Variants in CCDC6 observed in about 807,000 individuals in gnomAD.
CCDC6 encodes coiled-coil domain-containing protein 6.
In CCDC6, 20 loss-of-function variants were observed where a neutral mutation model predicts 56.6. That is an observed-to-expected ratio of 0.35 (90% confidence interval 0.25 to 0.51). The LOEUF is 0.51. Among genes scored for constraint, CCDC6 ranks in the 20% least tolerant of loss-of-function variants. CCDC6 has a pLI of 0.95. For missense variants in CCDC6, 367 were observed against 601.1 expected (o/e 0.61, Z 4.07); for synonymous variants, 241 against 234.4 (o/e 1.03, Z -0.26).
At chr10:59,844,424 A>AT (rs1256470883) in intron 2 of CCDC6, among the ~76,000 whole-genome samples, 2 of 103,114 alleles carry the variant, frequency 1.9e-5, no homozygotes, top group Admixed American at 8.6e-5. Context: ...TAGGAGGAAT[A>AT]TTAAAAAAAA....
chr10:59,860,179 A>G (rs2071116140), intron 1 of CCDC6, among the ~76,000 whole-genome samples: 2 of 152,214 alleles, frequency 1.3e-5, no homozygotes, highest in Non-Finnish European at 2.9e-5. Context: ...TCAGCATGAC[A>G]GGCATAAGCA....
chr10:59,799,654 G>A (rs1026068295), intron 7 of CCDC6, among the ~76,000 whole-genome samples: 13 of 152,254 alleles, frequency 8.5e-5, no homozygotes, highest in African/African-American at 3.1e-4. Flanking sequence ...CTCTGTTAAT[G>A]GTGTGCCCTA....
chr10:59,878,329 C>G (rs193279441), intron 1 of CCDC6, among the ~76,000 whole-genome samples: 22 of 152,308 alleles, frequency 1.4e-4, no homozygotes, highest in African/African-American at 5.1e-4. Flanking sequence ...CCAGCTCCCC[C>G]CTTGTTTATT....
chr10:59,866,972 T>C (rs765229563), intron 1 of CCDC6, among the ~76,000 whole-genome samples: 5 of 152,138 alleles, frequency 3.3e-5, no homozygotes, highest in Non-Finnish European at 5.9e-5. Flanking sequence ...CTTTCAGACT[T>C]GCAAAAAAGC....
intron 2 of CCDC6, among the ~76,000 whole-genome samples, chr10:59,851,903 T>A (rs2071042677): frequency 6.9e-6 from 1 of 145,458 alleles, no homozygotes; most frequent in Admixed American, 6.9e-5. Flanking sequence ...TACCTTGTAC[T>A]TTACCAGTAA....
chr10:59,844,701 G>A (rs1256001676), intron 2 of CCDC6, among the ~76,000 whole-genome samples: 2 of 149,216 alleles, frequency 1.3e-5, no homozygotes, highest in African/African-American at 5.0e-5. Context: ...GACGGAGGTT[G>A]CAGTGAGCCA....
Position 59,804,532 on chromosome 10 carries a change from G to A in CCDC6, c.1005-12C>T. The A allele has an allele frequency of 3.3e-6, 5 of 1,521,418 alleles. No homozygotes were observed. Among genetic ancestry groups the A allele is most frequent in the Admixed American group, 3.3e-5 (2 of 59,886 alleles). The allele number at this position is 1,521,418 out of a possible 1,614,324, so 94.2% of individuals were successfully genotyped here. On this transcript the variant is annotated splice_polypyrimidine_tract_variant and intron_variant, in intron 6 of 8. Coordinates refer to ENST00000263102, the MANE Select transcript of CCDC6 (RefSeq NM_005436.5). Reference sequence around the variant, plus strand: ...TCTCATTAAAATACCTAAGAGGAGAGAGGAGGAAACGATAAAACCACCTGC... The same window carrying A: ...TCTCATTAAAATACCTAAGAGGAGAAAGGAGGAAACGATAAAACCACCTGC...
At chr10:59,801,104 G>A (rs1406426881) in intron 7 of CCDC6, among the ~76,000 whole-genome samples, 1 of 151,892 alleles carries the variant, frequency 6.6e-6, no homozygotes, top group Non-Finnish European at 1.5e-5. Flanking sequence ...CATTAACACC[G>A]CCTTTGGATG....
intron 3 of CCDC6, 23 bp downstream of exon 3, chr10:59,832,502 A>G: frequency 6.3e-7 from 1 of 1,598,506 alleles, no homozygotes; most frequent in Non-Finnish European, 8.5e-7. Context: ...ATACAATGTA[A>G]AGGAAGAGCT....
chr10:59,855,943 T>C (rs542963510), intron 1 of CCDC6, among the ~76,000 whole-genome samples: 14 of 152,328 alleles, frequency 9.2e-5, no homozygotes, highest in African/African-American at 3.4e-4. Context: ...GCCGAGGCTT[T>C]GGCAAACAAA....
chr10:59,847,474 T>C (rs192130207), intron 2 of CCDC6, among the ~76,000 whole-genome samples: 5 of 152,274 alleles, frequency 3.3e-5, no homozygotes, highest in South Asian at 4.1e-4. Flanking sequence ...TAGTTCTTAA[T>C]GATGTGGGCA....
chr10:59,898,122 G>C (rs147827488), intron 1 of CCDC6, among the ~76,000 whole-genome samples: 163 of 152,188 alleles, frequency 1.1e-3, no homozygotes, highest in African/African-American at 3.5e-3. Flanking sequence ...CTTTCAGATA[G>C]TTTCGGATTA....
intron 1 of CCDC6, among the ~76,000 whole-genome samples, chr10:59,877,962 G>A (rs1288267759): frequency 1.3e-5 from 2 of 152,102 alleles, no homozygotes; most frequent in Non-Finnish European, 1.5e-5. Flanking sequence ...TCCTGTAAAA[G>A]TGTTTTCAAA....
chr10:59,828,278 C>T (rs552545969), intron 3 of CCDC6, among the ~76,000 whole-genome samples: 1 of 152,186 alleles, frequency 6.6e-6, no homozygotes, highest in Non-Finnish European at 1.5e-5. Context: ...TTAGAAAGCC[C>T]CAATATCATT....
intron 5 of CCDC6, among the ~76,000 whole-genome samples, chr10:59,812,275 C>G (rs2070680357): frequency 1.3e-5 from 2 of 152,124 alleles, no homozygotes; most frequent in South Asian, 4.1e-4. Context: ...AAGGTAAACA[C>G]TACTCTCTGC....
chr10:59,841,672 TTTG>T (rs1469021523), intron 2 of CCDC6, among the ~76,000 whole-genome samples: 34 of 142,440 alleles, frequency 2.4e-4, no homozygotes, highest in Non-Finnish European at 3.7e-4. Flanking sequence ...GTTTTTTTTG[TTTG>T]TTTTTTTTTT....
At chr10:59,890,520 A>G (rs2071414079) in intron 1 of CCDC6, among the ~76,000 whole-genome samples, 1 of 152,182 alleles carries the variant, frequency 6.6e-6, no homozygotes, top group African/African-American at 2.4e-5. Context: ...CATTGAATTG[A>G]GAAGGAAAAG....
chr10:59,859,756 AC>A (rs1469760485), intron 1 of CCDC6, among the ~76,000 whole-genome samples: 3 of 152,166 alleles, frequency 2.0e-5, no homozygotes, highest in African/African-American at 7.2e-5. Flanking sequence ...GTAACTGAAG[AC>A]GATGGCTGGG....
At chr10:59,859,333 G>T (rs1318173924) in intron 1 of CCDC6, among the ~76,000 whole-genome samples, 1 of 151,498 alleles carries the variant, frequency 6.6e-6, no homozygotes. Flanking sequence ...ATCTATTTTG[G>T]ATCCCATATA....
Sources: gnomAD v4.1 joint callset for allele counts (sites outside exome capture counted in the v4.1 genomes callset) on GRCh38, gnomAD v4.1.1 for gene constraint, MANE v1.5 for transcripts, NCBI Gene and HGNC (gene_info 2026-07-23, HGNC 2026-07-21) for gene names.